The following PUSL1 variants were observed in gnomAD, a reference collection of about 807,000 sequenced individuals.
PUSL1 encodes tRNA pseudouridine synthase-like 1.
Under a neutral mutation model 30.7 loss-of-function variants are expected in PUSL1, and 51 were observed. The ratio of observed to expected loss-of-function variants is 1.66; its 90% CI spans 1.33 to 2.10. The LOEUF (loss-of-function observed/expected upper bound fraction) is 2.10, where lower values mean the gene tolerates loss of function less well. PUSL1 is among the 30% of genes most tolerant of loss of function. The pLI, the probability that PUSL1 is intolerant of heterozygous loss-of-function variation, is 0.00. For synonymous variants in PUSL1, 290 were observed against 192.1 expected, an observed-to-expected ratio of 1.51 and a Z score of -4.21; for missense variants, 609 against 427.6, an observed-to-expected ratio of 1.42 and a Z score of -3.74.
Position 1,309,445 on chromosome 1 carries a change from C to T in PUSL1, c.324-9C>T. The T allele has an allele frequency of 1.3e-6, 2 of 1,589,908 alleles. No homozygotes were observed. The highest frequency in any genetic ancestry group is 1.1e-5 in the South Asian group (1 of 88,736). On this transcript the variant is annotated splice_polypyrimidine_tract_variant and intron_variant, in intron 3 of 7. Coordinates refer to ENST00000379031, the MANE Select transcript of PUSL1 (RefSeq NM_153339.3). The stretch of plus-strand genomic sequence containing the variant: ...TCGTTCCTCCGGTGAGCTTTACCTG[C>T]CGCCATAGGGTCCTGCGGGCCTTCC...
At chr1:1,308,785 G>A (rs1641914073) in intron 1 of PUSL1, 65 bp downstream of exon 1, 4 of 1,455,882 alleles carry the variant, frequency 2.7e-6, no homozygotes, top group Non-Finnish European at 3.7e-6. Context: ...AGGAGGGCGC[G>A]GGCGGGCAGG....
chr1:1,308,683 T>C lies in PUSL1; in HGVS notation c.40T>C (p.Tyr14His). ...APASGSVRARYLVYFQYVGTD... is the reference protein window; with the variant it reads ...APASGSVRARHLVYFQYVGTD... Reference sequence around the variant, plus strand: ...GGCCTCAGGCTCCGTGCGCGCGCGCTATCTTGTGTACTTCCAGTACGTGGG... The same window carrying C: ...GGCCTCAGGCTCCGTGCGCGCGCGCCATCTTGTGTACTTCCAGTACGTGGG... The change falls in exon 1 of 8, where the codon TAT (tyrosine) becomes CAT (histidine). Residue 14 changes from tyrosine to histidine, a missense_variant. Transcript: ENST00000379031. The C allele has an allele frequency of 1.3e-6, 2 of 1,549,106 alleles. No individual in the cohort carries two copies. The highest frequency in any genetic ancestry group is 1.7e-6 in the Non-Finnish European group (2 of 1,151,652).
At chr1:1,310,543 C>G (rs1432246291) in intron 5 of PUSL1, 91 bp from the exon 6 acceptor site, 1 of 1,048,872 alleles carries the variant, frequency 9.5e-7, no homozygotes, top group South Asian at 1.5e-5. Flanking sequence ...GTCTTTAGGC[C>G]CACCCTGTCA....
In PUSL1 at chr1:1,309,103, G is replaced by C; in HGVS notation, c.153G>C (p.Leu51=). ...QNYLEEAAER[L]NSVEPVRFTI... ...TCCTGCAGGAGGCCGCCGAGCGGCT[G>C]AATTCCGTGGAGCCGGTCAGGTTCA... Residue 51 remains leucine (L), a synonymous_variant, in exon 3 of 8, where the codon CTG becomes CTC. Coordinates refer to ENST00000379031, the MANE Select transcript of PUSL1 (RefSeq NM_153339.3). The C allele has an allele frequency of 6.6e-7, 1 of 1,507,076 alleles. No homozygotes were observed. Among genetic ancestry groups the C allele is most frequent in the Non-Finnish European group, 8.8e-7 (1 of 1,136,712 alleles). The allele number at this position is 1,507,076 out of a possible 1,614,324, so 93.4% of individuals were successfully genotyped here.
Position 1,309,073 on chromosome 1 carries a change from C to T in PUSL1, c.136-13C>T. The T allele has an allele frequency of 2.1e-6, 3 of 1,425,368 alleles. No individual in the cohort carries two copies. The highest frequency in any genetic ancestry group is 1.5e-5 in the South Asian group (1 of 67,748). 88.3% of individuals were successfully genotyped at this position (1,425,368 alleles called of 1,614,324 possible). A position where few individuals can be genotyped will look rare whatever the true frequency, so the allele number is the denominator to read the frequency against. On this transcript the variant is annotated splice_polypyrimidine_tract_variant and intron_variant, in intron 2 of 7. Transcript: ENST00000379031. ...CCTCGCTCACCCGCCCGCCCCGCGGCTCGGTCCTGCAGGAGGCCGCCGAGC... is the reference window on the plus strand; with the variant it reads ...CCTCGCTCACCCGCCCGCCCCGCGGTTCGGTCCTGCAGGAGGCCGCCGAGC...
At chr1:1,310,429 T>G in intron 5 of PUSL1, 1 of 587,224 alleles carries the variant, frequency 1.7e-6, no homozygotes, top group South Asian at 2.1e-5. Flanking sequence ...GCTGCCTCCT[T>G]GCCCAAGCAT....
intron 5 of PUSL1, 125 bp from the exon 6 acceptor site, chr1:1,310,509 G>A: frequency 1.3e-6 from 1 of 755,982 alleles, no homozygotes; most frequent in Non-Finnish European, 2.2e-6. Flanking sequence ...GCCCCTGGTG[G>A]CCAAGCTAGT....
intron 2 of PUSL1, 26 bp downstream of exon 2, chr1:1,308,998 C>T (rs1641928842): frequency 7.2e-7 from 1 of 1,395,400 alleles, no homozygotes. Context: ...CACGGGACGC[C>T]CGGTGAGGGG....
intron 1 of PUSL1, 67 bp from the exon 2 acceptor site, chr1:1,308,848 C>A: frequency 7.0e-7 from 1 of 1,426,198 alleles, no homozygotes; most frequent in Non-Finnish European, 9.2e-7. Flanking sequence ...GCGGCCCTGG[C>A]CTCAGACGGC....
At chr1:1,309,343 A>C in intron 3 of PUSL1, 70 bp downstream of exon 3, 1 of 1,447,904 alleles carries the variant, frequency 6.9e-7, no homozygotes, top group East Asian at 2.5e-5. Context: ...CGGAGGCTGG[A>C]GATCTGGACA....
chr1:1,310,740 G>GC, intron 6 of PUSL1, 52 bp downstream of exon 6: 1 of 1,605,290 alleles, frequency 6.2e-7, no homozygotes, highest in Non-Finnish European at 8.5e-7. Context: ...GGGTGGGCAG[G>GC]CCCCTGTGCA....
rs1407063517 is a variant in PUSL1, at chr1:1,308,737, C to G, written c.77+17C>G. Reference sequence around the variant, plus strand: ...CGACTTTAAGTAGGTTTCCCAGGCGCAGCGGCGGGCGCCACGTGGGCCCGG... The same window carrying G: ...CGACTTTAAGTAGGTTTCCCAGGCGGAGCGGCGGGCGCCACGTGGGCCCGG... On this transcript the variant is annotated intron_variant, in intron 1 of 7. Transcript: ENST00000379031. 1 of 1,521,776 alleles carries G rather than the reference C, an allele frequency of 6.6e-7. No homozygotes were observed. Among genetic ancestry groups the G allele is most frequent in the Non-Finnish European group, 8.8e-7 (1 of 1,134,392 alleles). The allele number at this position is 1,521,776 out of a possible 1,614,324, so 94.3% of individuals were successfully genotyped here.
Position 1,311,507 on chromosome 1 carries a change from G to T in PUSL1, c.*128G>T, listed in dbSNP as rs751855297. The stretch of plus-strand genomic sequence containing the variant: ...TCTCCACAGTAGCCTCCCTGCCCGG[G>T]TCCCAGCACCCTGGATGCCCGTCTC... On this transcript the variant is annotated 3_prime_UTR_variant, in exon 8 of 8. Coordinates refer to ENST00000379031, the MANE Select transcript of PUSL1 (RefSeq NM_153339.3). The T allele has an allele frequency of 4.0e-6, 4 of 996,520 alleles. No individual in the cohort carries two copies. The South Asian group carries it at 5.5e-5, about 14-fold the overall frequency. The allele number at this position is 996,520 out of a possible 1,614,324, so 61.7% of individuals were successfully genotyped here. A position where few individuals can be genotyped will look rare whatever the true frequency, so the allele number is the denominator to read the frequency against.
chr1:1,308,938 C>A lies in PUSL1; in HGVS notation c.101C>A (p.Thr34Asn). Reference sequence around the variant, plus strand: ...AGCGGGGTCGCGGCCGTCAGGGGCACTCAGCGCGCCGTCGGGGTCCAGAAC... The same window carrying A: ...AGCGGGGTCGCGGCCGTCAGGGGCAATCAGCGCGCCGTCGGGGTCCAGAAC... ...DFNGVAAVRG[T>N]QRAVGVQNYL... Residue 34 changes from threonine (T) to asparagine (N), a missense_variant, in exon 2 of 8, where the codon ACT (threonine) becomes AAT (asparagine). Thr to Asn is a moderately conservative substitution (Grantham distance 65). Coordinates refer to ENST00000379031, the MANE Select transcript of PUSL1 (RefSeq NM_153339.3). 1 of 1,421,178 alleles carries A rather than the reference C, an allele frequency of 7.0e-7. No individual in the cohort carries two copies. The highest frequency in any genetic ancestry group is 9.2e-7 in the Non-Finnish European group (1 of 1,091,142). 88.0% of individuals were successfully genotyped at this position (1,421,178 alleles called of 1,614,324 possible). A position where few individuals can be genotyped will look rare whatever the true frequency, so the allele number is the denominator to read the frequency against.
chr1:1,309,567 T>G lies in PUSL1; in HGVS notation c.437T>G (p.Val146Gly). Residue 146 changes from valine (V) to glycine (G), a missense_variant, in exon 4 of 8, where the codon GTG becomes GGG. Val to Gly is a moderately radical substitution (Grantham distance 109). Coordinates refer to ENST00000379031, the MANE Select transcript of PUSL1 (RefSeq NM_153339.3). ...TGTCACCGGCGTGATGAGCTGCCGGTGTTTGAACGCAACCTATGCTGGACT... is the reference window on the plus strand; with the variant it reads ...TGTCACCGGCGTGATGAGCTGCCGGGGTTTGAACGCAACCTATGCTGGACT... ...TGCHRRDELP[V>G]FERNLCWTLP... 1.2e-6 allele frequency: 2 copies of G among 1,611,948 alleles called. No individual in the cohort carries two copies. Among genetic ancestry groups the G allele is most frequent in the South Asian group, 2.2e-5 (2 of 91,024 alleles).
chr1:1,310,452 T>C (rs1003322835), intron 5 of PUSL1, 182 bp from the exon 6 acceptor site: 3 of 634,328 alleles, frequency 4.7e-6, no homozygotes, highest in Non-Finnish European at 8.5e-6. Context: ...TTTCTCTGGT[T>C]TTAAGCCCCT....
At chr1:1,311,110 C>T (rs767870347) in intron 7 of PUSL1, 39 bp downstream of exon 7, 2 of 1,567,048 alleles carry the variant, frequency 1.3e-6, no homozygotes, top group South Asian at 1.2e-5. Context: ...GTCATGTGCC[C>T]AGTGACTACT....
chr1:1,308,816 TTC>T, intron 1 of PUSL1, 96 bp downstream of exon 1: 1 of 1,439,418 alleles, frequency 6.9e-7, no homozygotes, highest in Non-Finnish European at 9.2e-7. Context: ...TGGACGCGGG[TTC>T]CAAACGTTCG....
At chr1:1,308,821 A>G in intron 1 of PUSL1, 94 bp from the exon 2 acceptor site, 1 of 1,443,906 alleles carries the variant, frequency 6.9e-7, no homozygotes, top group Non-Finnish European at 9.2e-7. Flanking sequence ...GCGGGTTCCA[A>G]ACGTTCGGGG....
Sources: gnomAD v4.1 joint callset for allele counts on GRCh38, gnomAD v4.1.1 for gene constraint, MANE v1.5 for transcripts, NCBI Gene and HGNC (gene_info 2026-07-23, HGNC 2026-07-21) for gene names.